Variants in DMPK observed in about 807,000 individuals in gnomAD.
The protein encoded by DMPK is DM1 protein kinase.
DMPK carries 32 observed loss-of-function variants against 70.3 expected under a neutral mutation model. The observed-to-expected ratio is 0.46, with a 90% confidence interval of 0.34 to 0.61. DMPK has a LOEUF of 0.61. DMPK is among the 20% of genes least tolerant of loss of function. The pLI, the probability that DMPK is intolerant of heterozygous loss-of-function variation, is 0.01. For missense variants in DMPK, 899 were observed against 886.0 expected (o/e 1.01, Z -0.19); for synonymous variants, 469 against 390.9 (o/e 1.20, Z -2.36).
chr19:45,779,422 T>A lies in DMPK; in HGVS notation c.336+17A>T. On this transcript the variant is annotated intron_variant, in intron 3 of 14. Transcript: ENST00000291270. ...GCGCGGATCCTCAAAGCCCCCCACGTCCGCCCAGCCCCTCACCTCGCCCCT... is the reference window on the plus strand; with the variant it reads ...GCGCGGATCCTCAAAGCCCCCCACGACCGCCCAGCCCCTCACCTCGCCCCT... The A allele has an allele frequency of 6.2e-7, 1 of 1,613,834 alleles. No homozygotes were observed. Among genetic ancestry groups the A allele is most frequent in the East Asian group, 2.2e-5 (1 of 44,876 alleles).
chr19:45,770,645 G>C lies in DMPK; in HGVS notation c.1738-5C>G. 2.6e-6 allele frequency: 4 copies of C among 1,550,832 alleles called. No homozygotes were observed. Among genetic ancestry groups the C allele is most frequent in the Non-Finnish European group, 3.5e-6 (4 of 1,147,092 alleles). On this transcript the variant is annotated splice_polypyrimidine_tract_variant and splice_region_variant and intron_variant, in intron 14 of 14. Coordinates refer to ENST00000291270, the MANE Select transcript of DMPK (RefSeq NM_004409.5). ...CGATAGGCCAGGCCTAGGGACCTGCGGGGAGAGGGCGAGGTCAACACCCGG... is the reference window on the plus strand; with the variant it reads ...CGATAGGCCAGGCCTAGGGACCTGCCGGGAGAGGGCGAGGTCAACACCCGG...
chr19:45,775,177 T>C (rs998219661), intron 8 of DMPK, 143 bp from the exon 9 acceptor site: 13 of 638,030 alleles, frequency 2.0e-5, no homozygotes, highest in Non-Finnish European at 2.8e-6. Flanking sequence ...TTCTTTTTTC[T>C]TTTTCTTTGA....
chr19:45,777,192 G>T lies in DMPK; in HGVS notation c.1146+135C>A. ...CTAGGTCACTGCTGGGTCCTCAGTA[G>T]TAGATGGGCACAGAGCAGGTGCTCT... On this transcript the variant is annotated intron_variant, in intron 8 of 14. Transcript: ENST00000291270. The surrounding 1 kb of genome is among the most constrained non-coding windows in gnomAD (Gnocchi z 6.7). 7.8e-7 allele frequency: 1 copy of T among 1,278,780 alleles called. No individual in the cohort carries two copies. Among genetic ancestry groups the T allele is most frequent in the Non-Finnish European group, 1.0e-6 (1 of 957,420 alleles). The allele number at this position is 1,278,780 out of a possible 1,614,324, so 79.2% of individuals were successfully genotyped here.
chr19:45,771,200 G>T (rs1374689591), intron 13 of DMPK, 140 bp from the exon 14 acceptor site: 1 of 1,221,440 alleles, frequency 8.2e-7, no homozygotes, highest in Non-Finnish European at 1.1e-6. Flanking sequence ...CTGAACGGAG[G>T]GAGATCTGGG....
At position 45,770,051 on chromosome 19, in the gene DMPK, A is replaced by G. The variant is rs1344089986; in HGVS notation, c.*437T>C. 6.6e-6 allele frequency: 3 copies of G among 453,640 alleles called. No individual in the cohort carries two copies. Among genetic ancestry groups the G allele is most frequent in the Admixed American group, 6.3e-5 (2 of 31,988 alleles). 28.1% of individuals were successfully genotyped at this position (453,640 alleles called of 1,614,324 possible). Reference sequence around the variant, plus strand: ...TCCCCAGAGCAGGGCGTCATGCACAAGAAAGCTTTGCACTTTGCGAACCAA... The same window carrying G: ...TCCCCAGAGCAGGGCGTCATGCACAGGAAAGCTTTGCACTTTGCGAACCAA... On this transcript the variant is annotated 3_prime_UTR_variant, in exon 15 of 15. Coordinates refer to ENST00000291270, the MANE Select transcript of DMPK (RefSeq NM_004409.5).
chr19:45,770,851 C>A (rs1287417544), intron 14 of DMPK, 120 bp downstream of exon 14: 6 of 990,770 alleles, frequency 6.1e-6, no homozygotes, highest in Non-Finnish European at 8.6e-6. Context: ...TGATTGGCTG[C>A]CCGAAGATCC....
chr19:45,777,935 C>A lies in DMPK; in HGVS notation c.676-62G>T, dbSNP rs1969872994. ...CCCTCTGGGCCCACCAGCTCTGGGCCCTCCTTCCAACCACTCCCCAAATGC... is the reference window on the plus strand; with the variant it reads ...CCCTCTGGGCCCACCAGCTCTGGGCACTCCTTCCAACCACTCCCCAAATGC... On this transcript the variant is annotated intron_variant, in intron 6 of 14. Transcript: ENST00000291270. This position sits in a 1 kb window ranked among gnomAD's most constrained non-coding sequence, Gnocchi z 6.7. 1.3e-6 allele frequency: 2 copies of A among 1,497,088 alleles called. No homozygotes were observed. The highest frequency in any genetic ancestry group is 2.8e-5 in the African/African-American group (2 of 72,502). 92.7% of individuals were successfully genotyped at this position (1,497,088 alleles called of 1,614,324 possible). A position where few individuals can be genotyped will look rare whatever the true frequency, so the allele number is the denominator to read the frequency against.
chr19:45,780,368 C>A, intron 1 of DMPK: 1 of 1,493,288 alleles, frequency 6.7e-7, no homozygotes, highest in Non-Finnish European at 9.0e-7. Context: ...CTTTGGAAAA[C>A]CCTGGATTTG....
intron 14 of DMPK, 60 bp from the exon 15 acceptor site, chr19:45,770,700 G>T (rs1253157450): frequency 2.0e-6 from 3 of 1,520,156 alleles, no homozygotes; most frequent in Non-Finnish European, 2.7e-6. Context: ...CCTGGGACTC[G>T]CCCCGCCTAC....
In DMPK at chr19:45,772,766, G is replaced by A; in HGVS notation, c.1233-14C>T. ...ACCTCACTGTCCCTGGGGAGAGGAG[G>A]AGGGAGTGGGGAGGGAGACAGAATG... On this transcript the variant is annotated splice_polypyrimidine_tract_variant and intron_variant, in intron 9 of 14. Transcript: ENST00000291270. The A allele has an allele frequency of 7.1e-7, 1 of 1,417,400 alleles. No homozygotes were observed. The highest frequency in any genetic ancestry group is 2.8e-5 in the East Asian group (1 of 36,036). 87.8% of individuals were successfully genotyped at this position (1,417,400 alleles called of 1,614,324 possible).
Position 45,771,338 on chromosome 19 carries a change from G to C in DMPK, c.1647+12C>G, listed in dbSNP as rs775811905. The C allele has an allele frequency of 6.3e-7, 1 of 1,587,986 alleles. No homozygotes were observed. ...CAGCAGGTCTGAGGCAGGGGAAAGA[G>C]AGGGGTCTTACATGGGAAGGTGGAT... On this transcript the variant is annotated intron_variant, in intron 13 of 14. Coordinates refer to ENST00000291270, the MANE Select transcript of DMPK (RefSeq NM_004409.5).
At position 45,778,294 on chromosome 19, in the gene DMPK, G is replaced by A. The variant is rs376494290; in HGVS notation, c.582-74C>T. 5.8e-4 allele frequency: 846 copies of A among 1,468,962 alleles called. 5 individuals are homozygous for A. The African/African-American group carries it at 9.9e-3, about 17-fold the overall frequency. The allele number at this position is 1,468,962 out of a possible 1,614,324, so 91.0% of individuals were successfully genotyped here. A position where few individuals can be genotyped will look rare whatever the true frequency, so the allele number is the denominator to read the frequency against. Reference sequence around the variant, plus strand: ...GGTCCCACCAGGCTCCGCCCCTCCGGGCAGTGCCACCTGGGACCCCACTTC... The same window carrying A: ...GGTCCCACCAGGCTCCGCCCCTCCGAGCAGTGCCACCTGGGACCCCACTTC... On this transcript the variant is annotated intron_variant, in intron 5 of 14. Coordinates refer to ENST00000291270, the MANE Select transcript of DMPK (RefSeq NM_004409.5).
chr19:45,782,480 T>C lies in DMPK; in HGVS notation c.-128A>G. The C allele has an allele frequency of 9.3e-7, 1 of 1,073,560 alleles. No individual in the cohort carries two copies. The highest frequency in any genetic ancestry group is 1.3e-6 in the Non-Finnish European group (1 of 777,962). 66.5% of individuals were successfully genotyped at this position (1,073,560 alleles called of 1,614,324 possible). On this transcript the variant is annotated 5_prime_UTR_variant, in exon 1 of 15. Transcript: ENST00000291270. ...TGTCTGCCTGTCCCTGGCTGTCCCCTGGGCCTCTCTGGCCACTTCTCTCTG... is the reference window on the plus strand; with the variant it reads ...TGTCTGCCTGTCCCTGGCTGTCCCCCGGGCCTCTCTGGCCACTTCTCTCTG...
intron 9 of DMPK, among the ~76,000 whole-genome samples, chr19:45,774,388 A>C (rs116213648): frequency 0.032 from 4,851 of 151,278 alleles, 276 homozygotes; most frequent in African/African-American, 0.11. Flanking sequence ...TCGCCTCCCA[A>C]GTAGCTGGGA....
chr19:45,780,241 C>G, intron 1 of DMPK: 1 of 1,486,000 alleles, frequency 6.7e-7, no homozygotes, highest in Non-Finnish European at 8.9e-7. Flanking sequence ...GGTGACAGTT[C>G]AGGTGCAGCC....
intron 9 of DMPK, 64 bp downstream of exon 9, chr19:45,774,885 G>A: frequency 4.6e-6 from 6 of 1,299,934 alleles, no homozygotes; most frequent in South Asian, 3.6e-5. Context: ...GGCTGCCAAG[G>A]AGCAGGACCC....
At position 45,770,565 on chromosome 19, in the gene DMPK, C is replaced by G. The variant is rs1318272405; in HGVS notation, c.1813G>C (p.Gly605Arg). The change falls in exon 15 of 15, where the codon GGC becomes CGC. Residue 605 changes from glycine (G) to arginine (R), a missense_variant. By Grantham distance (125) the Gly-to-Arg change is moderately radical. Transcript: ENST00000291270. Reference sequence around the variant, plus strand: ...GCGTGGGCCACCAACCCAATGCAGCCCAGGGCGGCGGCACGAGACAGAACA... The same window carrying G: ...GCGTGGGCCACCAACCCAATGCAGCGCAGGGCGGCGGCACGAGACAGAACA... ...AVVLSRAAAL[G>R]CIGLVAHAGQ... The G allele has an allele frequency of 1.9e-6, 3 of 1,551,316 alleles. No homozygotes were observed. The East Asian group carries it at 7.3e-5, about 38-fold the overall frequency.
At chr19:45,773,384 C>G (rs975852682) in intron 9 of DMPK, among the ~76,000 whole-genome samples, 1 of 152,178 alleles carries the variant, frequency 6.6e-6, no homozygotes, top group Non-Finnish European at 1.5e-5. Flanking sequence ...CAGAATCAAG[C>G]TGGAGTTCAT....
chr19:45,771,094 GC>G, intron 13 of DMPK, 34 bp from the exon 14 acceptor site: 1 of 1,468,838 alleles, frequency 6.8e-7, no homozygotes, highest in South Asian at 1.2e-5. Context: ...CCCGATCGGA[GC>G]CCAGCCCAGC....
Sources: gnomAD v4.1 joint callset for allele counts (sites outside exome capture counted in the v4.1 genomes callset) on GRCh38, gnomAD v4.1.1 for gene constraint, Gnocchi (gnomAD v3.1) non-coding constraint, MANE v1.5 for transcripts, NCBI Gene and HGNC (gene_info 2026-07-23, HGNC 2026-07-21) for gene names.